FHIT: variants seen among roughly 807,000 people sequenced by gnomAD.
FHIT encodes the protein bis(5'-adenosyl)-triphosphatase.
In FHIT, 19 loss-of-function variants were observed where a neutral mutation model predicts 17.9. The ratio of observed to expected loss-of-function variants is 1.06; its 90% confidence interval spans 0.74 to 1.56. FHIT has a LOEUF of 1.56. FHIT is among the 40% of genes most tolerant of loss of function. FHIT has a pLI of 0.00. For synonymous variants in FHIT, 81 were observed against 69.7 expected (o/e 1.16, Z -0.81); for missense variants, 248 against 189.2 (o/e 1.31, Z -1.82).
intron 4 of FHIT, among the ~76,000 whole-genome samples, chr3:60,605,157 G>T (rs782406019): frequency 2.6e-5 from 4 of 152,106 alleles, no homozygotes; most frequent in Non-Finnish European, 5.9e-5. Flanking sequence ...CAATACTAAT[G>T]TCCATGAACT....
intron 4 of FHIT, among the ~76,000 whole-genome samples, chr3:60,611,245 A>G (rs2038776285): frequency 6.6e-6 from 1 of 152,226 alleles, no homozygotes; most frequent in South Asian, 2.1e-4. Context: ...AGTTTGCAAC[A>G]CAAAGTCCAG....
At chr3:60,747,831 A>G (rs2042389651) in intron 4 of FHIT, among the ~76,000 whole-genome samples, 1 of 152,228 alleles carries the variant, frequency 6.6e-6, no homozygotes, top group Admixed American at 6.5e-5. Context: ...TCAAGGTTAT[A>G]TAATCAGCAA....
At chr3:60,985,594 T>G (rs1044139405) in intron 3 of FHIT, among the ~76,000 whole-genome samples, 5 of 152,196 alleles carry the variant, frequency 3.3e-5, no homozygotes, top group Non-Finnish European at 7.3e-5. Flanking sequence ...CTTCTCTGAA[T>G]TCTAACAGCA....
chr3:60,513,271 C>T (rs1323116936), intron 5 of FHIT, among the ~76,000 whole-genome samples: 1 of 152,160 alleles, frequency 6.6e-6, no homozygotes, highest in Non-Finnish European at 1.5e-5. Context: ...TTCAACTTTA[C>T]TGAGGTTGAA....
intron 8 of FHIT, among the ~76,000 whole-genome samples, chr3:59,806,443 G>T (rs1029636844): frequency 4.0e-5 from 6 of 151,816 alleles, no homozygotes; most frequent in Admixed American, 1.3e-4. Flanking sequence ...CCAATGCTTC[G>T]TTCCACTTCT....
chr3:60,860,639 A>AAACATATGTACATATATCAGGTATATATG (rs1559779855), intron 3 of FHIT, among the ~76,000 whole-genome samples: 1 of 27,424 alleles, frequency 3.6e-5, no homozygotes, highest in Non-Finnish European at 1.4e-4. Context: ...GGTATATATG[A>AAACATATGTACATATATCAGGTATATATG]TACATATGTA....
chr3:61,020,891 T>TTATTGGTTTCTAGTTCTTAGTTCTTA (rs2032386906), intron 3 of FHIT, among the ~76,000 whole-genome samples: 1 of 152,128 alleles, frequency 6.6e-6, no homozygotes, highest in Non-Finnish European at 1.5e-5. Context: ...TACTAGTCTC[T>TTATTGGTTTCTAGTTCTTAGTTCTTA]GATAAAACAG....
chr3:61,155,827 C>G (rs1012729015), intron 2 of FHIT, among the ~76,000 whole-genome samples: 1 of 152,172 alleles, frequency 6.6e-6, no homozygotes, highest in African/African-American at 2.4e-5. Context: ...TGACTCTTGG[C>G]TGGCATCTGG....
chr3:59,789,450 G>A (rs768999825), intron 8 of FHIT, among the ~76,000 whole-genome samples: 27 of 152,066 alleles, frequency 1.8e-4, no homozygotes, highest in African/African-American at 3.6e-4. Context: ...TCTCTTCTCC[G>A]TTGCTAAGAT....
intron 4 of FHIT, among the ~76,000 whole-genome samples, chr3:60,739,902 T>C (rs1279674672): frequency 2.6e-5 from 4 of 152,234 alleles, no homozygotes; most frequent in African/African-American, 7.2e-5. Context: ...TGTAGAAAGA[T>C]ACTGTTCCTG....
intron 2 of FHIT, among the ~76,000 whole-genome samples, chr3:61,179,342 T>A (rs1055862205): frequency 2.0e-5 from 3 of 152,036 alleles, no homozygotes. Flanking sequence ...AAAAAGATCA[T>A]TCCGAATTTC....
intron 5 of FHIT, among the ~76,000 whole-genome samples, chr3:60,504,251 T>C (rs1029024362): frequency 1.3e-5 from 2 of 151,926 alleles, no homozygotes; most frequent in African/African-American, 4.8e-5. Context: ...CTGGCCAACA[T>C]GGTGAAACCC....
chr3:59,896,582 T>C (rs1704083481), intron 8 of FHIT, among the ~76,000 whole-genome samples: 1 of 152,192 alleles, frequency 6.6e-6, no homozygotes. Flanking sequence ...GTTCATCCTA[T>C]ATTTTTAAAT....
intron 7 of FHIT, among the ~76,000 whole-genome samples, chr3:60,007,093 T>A (rs527447688): frequency 6.6e-6 from 1 of 152,114 alleles, no homozygotes; most frequent in Admixed American, 6.6e-5. Flanking sequence ...AAGCATAATC[T>A]ATAAACAGTT....
intron 8 of FHIT, among the ~76,000 whole-genome samples, chr3:59,881,394 G>A (rs193102862): frequency 1.1e-4 from 16 of 152,282 alleles, no homozygotes; most frequent in African/African-American, 3.6e-4. Context: ...CAAAGGAAGG[G>A]GGTACGGGCA....
chr3:60,406,043 T>C (rs1701844653), intron 5 of FHIT, among the ~76,000 whole-genome samples: 2 of 152,200 alleles, frequency 1.3e-5, no homozygotes, highest in South Asian at 4.1e-4. Flanking sequence ...TAGATATTTG[T>C]AGTAATCATT....
intron 2 of FHIT, among the ~76,000 whole-genome samples, chr3:61,110,207 C>T (rs2036116915): frequency 6.6e-6 from 1 of 152,156 alleles, no homozygotes; most frequent in Admixed American, 6.5e-5. Flanking sequence ...TTTCTCTTGC[C>T]CTGCTTTGTA....
intron 8 of FHIT, among the ~76,000 whole-genome samples, chr3:59,840,203 C>G (rs531694510): frequency 6.6e-6 from 1 of 152,070 alleles, no homozygotes; most frequent in African/African-American, 2.4e-5. Context: ...TTGCAGATTC[C>G]CCATCATTCC....
rs574548419 is a variant in FHIT at position 60,197,546 on chromosome 3, G to T, written c.104-183394C>A. Among the ~76,000 whole-genome samples, 39 of 152,146 alleles carry T rather than the reference G, an allele frequency of 2.6e-4. 1 individual carries two copies. In the South Asian group the frequency reaches 8.1e-3, roughly 32 times the overall value. Reference sequence around the variant, plus strand: ...TAAATATTAGTAAAGTTAGCATAAAGGTATTACAAATATCTTGAAATTTCA... The same window carrying T: ...TAAATATTAGTAAAGTTAGCATAAATGTATTACAAATATCTTGAAATTTCA... On this transcript the variant is annotated intron_variant, in intron 5 of 9. Transcript: ENST00000492590.
Sources: allele counts gnomAD v4.1 joint callset (sites outside exome capture counted in the v4.1 genomes callset), GRCh38; gene constraint gnomAD v4.1.1; transcripts MANE v1.5; gene names NCBI Gene and HGNC (gene_info 2026-07-23, HGNC 2026-07-21).